AMPD3: variants seen among roughly 807,000 people sequenced by gnomAD.
AMPD3 encodes the protein AMP deaminase 3.
A neutral mutation model predicts 82.3 loss-of-function variants in AMPD3; 57 were observed. The observed-to-expected ratio is 0.69, with a 90% CI of 0.56 to 0.86. The LOEUF (loss-of-function observed/expected upper bound fraction) is 0.86. Among genes scored for constraint, AMPD3 ranks in the 40% least tolerant of loss-of-function variants. AMPD3 has a pLI of 0.00. For synonymous variants in AMPD3, 381 were observed against 394.7 expected (o/e 0.97, Z 0.41); for missense variants, 870 against 1,003.8 (o/e 0.87, Z 1.80).
intron 2 of AMPD3, among the ~76,000 whole-genome samples, chr11:10,472,297 G>T (rs781038497): frequency 7.7e-4 from 117 of 151,998 alleles, no homozygotes; most frequent in Non-Finnish European, 1.4e-3. Flanking sequence ...CTGTTGGGGG[G>T]TGAGGGGCTA....
chr11:10,459,414 C>A (rs145565929), intron 1 of AMPD3, among the ~76,000 whole-genome samples: 75 of 152,244 alleles, frequency 4.9e-4, no homozygotes, highest in Non-Finnish European at 9.9e-4. Context: ...GCTGAGAGGG[C>A]CTTAGAGACC....
At position 10,460,851 on chromosome 11, in the gene AMPD3, C is replaced by G. The variant is rs141472896; in HGVS notation, c.-5-664C>G. The G allele has an allele frequency of 7.1e-5, 69 of 978,118 alleles. No individual in the cohort carries two copies. In the African/African-American group the frequency reaches 1.1e-3, roughly 16 times the overall value. The allele number at this position is 978,118 out of a possible 1,614,324, so 60.6% of individuals were successfully genotyped here. A position where few individuals can be genotyped will look rare whatever the true frequency, so the allele number is the denominator to read the frequency against. ...TGACTGTTAGTAAGGAATCAGTATG[C>G]GAGGAGGTGGATAGAGAAAGCTTCT... On this transcript the variant is annotated intron_variant, in intron 1 of 14. Coordinates refer to ENST00000396553, the MANE Select transcript of AMPD3 (RefSeq NM_001025389.2).
intron 1 of AMPD3, chr11:10,455,939 G>T: frequency 4.1e-6 from 4 of 985,350 alleles, no homozygotes; most frequent in Non-Finnish European, 4.8e-6. Flanking sequence ...TGATGATATC[G>T]CTCGTTGCTA....
At chr11:10,495,313 G>T (rs1054568266) in intron 8 of AMPD3, 1 of 985,338 alleles carries the variant, frequency 1.0e-6, no homozygotes, top group East Asian at 1.1e-4. Flanking sequence ...ACCTAGCTGG[G>T]TGCAGATGAG....
chr11:10,458,008 G>A (rs1848147931), intron 1 of AMPD3, among the ~76,000 whole-genome samples: 1 of 152,124 alleles, frequency 6.6e-6, no homozygotes, highest in Non-Finnish European at 1.5e-5. Context: ...AAGGGAGCCT[G>A]GTTGGGGGTG....
At chr11:10,460,947 G>T (rs562576437) in intron 1 of AMPD3, 1 of 985,380 alleles carries the variant, frequency 1.0e-6, no homozygotes, top group Non-Finnish European at 1.2e-6. Context: ...TGTCTTGTTA[G>T]GAGGTTCCAG....
intron 2 of AMPD3, chr11:10,477,212 A>G (rs941448599): frequency 3.3e-6 from 2 of 615,372 alleles, no homozygotes; most frequent in African/African-American, 2.0e-5. Flanking sequence ...GTATCACACT[A>G]GTACCTGGAG....
chr11:10,500,922 G>C, intron 11 of AMPD3: 2 of 985,412 alleles, frequency 2.0e-6, no homozygotes, highest in Non-Finnish European at 2.4e-6. Flanking sequence ...CTCTAGCTCA[G>C]CCTAAACTGG....
At chr11:10,473,699 C>T in intron 2 of AMPD3, 1 of 740,228 alleles carries the variant, frequency 1.4e-6, no homozygotes, top group Non-Finnish European at 1.7e-6. Context: ...GCATATTTCT[C>T]CAGATAGGCT....
intron 2 of AMPD3, 42 bp downstream of exon 2, chr11:10,461,782 C>T: frequency 1.3e-6 from 2 of 1,547,802 alleles, no homozygotes; most frequent in Middle Eastern, 1.7e-4. Flanking sequence ...TAGAGTCATG[C>T]AGACCCAGGC....
chr11:10,502,497 A>G, intron 12 of AMPD3: 1 of 985,450 alleles, frequency 1.0e-6, no homozygotes, highest in East Asian at 1.1e-4. Flanking sequence ...GGGTAGAGGC[A>G]CCAGGGAGGG....
chr11:10,483,608 T>C (rs1201915215), intron 4 of AMPD3, among the ~76,000 whole-genome samples: 4 of 152,220 alleles, frequency 2.6e-5, no homozygotes, highest in East Asian at 1.9e-4. Flanking sequence ...CTTCCGAACA[T>C]GCAGGCTGTA....
Position 10,493,544 on chromosome 11 carries a change from G to A in AMPD3, c.1134+1G>A. On this transcript the variant is annotated splice_donor_variant, in intron 7 of 14. Coordinates refer to ENST00000396553, the MANE Select transcript of AMPD3 (RefSeq NM_001025389.2). LOFTEE classifies it high-confidence loss of function. ...TGTGGACTCACTGGATGTCCACGCG[G>A]TGAGTGAGCTTCTGCTCCAGTGCCG... 1 of 1,613,868 alleles carries A rather than the reference G, an allele frequency of 6.2e-7. No individual in the cohort carries two copies. The highest frequency in any genetic ancestry group is 8.5e-7 in the Non-Finnish European group (1 of 1,179,862).
At chr11:10,502,270 CT>C in intron 12 of AMPD3, 2 of 985,440 alleles carry the variant, frequency 2.0e-6, no homozygotes, top group Non-Finnish European at 2.4e-6. Flanking sequence ...AGGTCCACCC[CT>C]CCCATCCCTT....
At chr11:10,496,379 A>G (rs954309521) in intron 9 of AMPD3, 1 of 985,294 alleles carries the variant, frequency 1.0e-6, no homozygotes, top group Non-Finnish European at 1.2e-6. Flanking sequence ...CTCTCCCTGG[A>G]TGTCACTCAG....
At chr11:10,483,469 CCTAT>C (rs1190168505) in intron 4 of AMPD3, among the ~76,000 whole-genome samples, 2 of 152,182 alleles carry the variant, frequency 1.3e-5, no homozygotes, top group Non-Finnish European at 2.9e-5. Context: ...GGCCTATTTC[CCTAT>C]CTGAGGGAAG....
chr11:10,498,651 T>C (rs1302866997), intron 10 of AMPD3, among the ~76,000 whole-genome samples: 3 of 152,314 alleles, frequency 2.0e-5, no homozygotes, highest in East Asian at 3.9e-4. Context: ...ACACGGAAGA[T>C]TCTGGCCAAG....
In AMPD3 at chr11:10,494,902, C is replaced by T. The variant is rs777939609; in HGVS notation, c.1138C>T (p.Arg380Trp). ...TTGGTGTGGTCTCCCCCCTCAGGGC[C>T]GGCAGACATTCCACCGCTTTGACAA... is the stretch of plus-strand genomic sequence containing the variant. ...TVDSLDVHAGRQTFHRFDKFN... is the reference protein window; with the variant it reads ...TVDSLDVHAGWQTFHRFDKFN... Residue 380 changes from arginine to tryptophan, a missense_variant, in exon 8 of 15, where the codon CGG becomes TGG. Transcript: ENST00000396553. The T allele has an allele frequency of 9.9e-6, 16 of 1,613,746 alleles. No homozygotes were observed. The highest frequency in any genetic ancestry group is 4.5e-5 in the East Asian group (2 of 44,900).
chr11:10,502,998 G>A, intron 13 of AMPD3, 104 bp downstream of exon 13: 4 of 1,347,232 alleles, frequency 3.0e-6, no homozygotes, highest in Admixed American at 3.8e-5. Flanking sequence ...TGCTTTTGGG[G>A]TGGGGTTGGT....
Sources: gnomAD v4.1 joint callset for allele counts (sites outside exome capture counted in the v4.1 genomes callset) on GRCh38, gnomAD v4.1.1 for gene constraint, MANE v1.5 for transcripts, NCBI Gene and HGNC (gene_info 2026-07-23, HGNC 2026-07-21) for gene names.